Variants in CYP2C8 observed in about 807,000 individuals in gnomAD.
The protein encoded by CYP2C8 is cytochrome P450 family 2 subfamily C member 8.
In CYP2C8, 51 loss-of-function variants were observed where a neutral mutation model predicts 41.3. That is an observed-to-expected ratio of 1.24 (90% confidence interval 0.99 to 1.56). CYP2C8 has a LOEUF of 1.56. CYP2C8 is among the 40% of genes most tolerant of loss of function. The pLI is 0.00. For synonymous variants in CYP2C8, 218 were observed against 205.8 expected (o/e 1.06, Z -0.51); for missense variants, 651 against 579.9 (o/e 1.12, Z -1.26).
chr10:95,067,322 T>A lies in CYP2C8; in HGVS notation c.367A>T (p.Ile123Phe). ...ISSNGKRWKEIRRFSLTTLRN... is the reference protein window; with the variant it reads ...ISSNGKRWKEFRRFSLTTLRN... ...AAGGTTGTGAGGGAGAAACGCCGGA[T>A]CTCCTTCCATCTCTTTCCATTGCTG... Residue 123 changes from isoleucine (I) to phenylalanine (F), a missense_variant, in exon 3 of 9, where the codon ATC (isoleucine) becomes TTC (phenylalanine). Coordinates refer to ENST00000371270, the MANE Select transcript of CYP2C8 (RefSeq NM_000770.3). 1.9e-6 allele frequency: 3 copies of A among 1,613,886 alleles called. No homozygotes were observed. The highest frequency in any genetic ancestry group is 2.5e-6 in the Non-Finnish European group (3 of 1,180,006).
At chr10:95,045,309 A>G (rs1037512072) in intron 6 of CYP2C8, among the ~76,000 whole-genome samples, 3 of 152,132 alleles carry the variant, frequency 2.0e-5, no homozygotes, top group African/African-American at 7.2e-5. Flanking sequence ...AAATAGAAAC[A>G]CCTTTGTAAG....
rs780212136 is a variant in CYP2C8, at chr10:95,067,361, A to AT, written c.332-5dup. The AT allele has an allele frequency of 4.4e-6, 7 of 1,596,736 alleles. No homozygotes were observed. The South Asian group carries it at 5.5e-5, about 13-fold the overall frequency. On this transcript the variant is annotated splice_region_variant and splice_polypyrimidine_tract_variant and intron_variant, in intron 2 of 8. Transcript: ENST00000371270. ...TTTCCATTGCTGGAAATGATTCCTA[A>AT]TAAAAAAAGGGGCAGAAACTGGGAG...
intron 8 of CYP2C8, among the ~76,000 whole-genome samples, chr10:95,038,643 G>A (rs2032933364): frequency 6.6e-6 from 1 of 152,096 alleles, no homozygotes; most frequent in Non-Finnish European, 1.5e-5. Context: ...TGTATCTAGT[G>A]GCAGAGTTCA....
chr10:95,058,285 T>A (rs1378753393), intron 5 of CYP2C8, 50 bp downstream of exon 5: 1 of 1,609,254 alleles, frequency 6.2e-7, no homozygotes, highest in Non-Finnish European at 8.5e-7. Flanking sequence ...ATTCGATGAA[T>A]CACAAAATGG....
At chr10:95,066,137 A>AGTGT (rs1233648601) in intron 3 of CYP2C8, among the ~76,000 whole-genome samples, 1 of 109,472 alleles carries the variant, frequency 9.1e-6, no homozygotes, top group African/African-American at 3.8e-5. Context: ...AGAGAGAGAG[A>AGTGT]GAGAGAGAGA....
rs1429490760 is a variant in CYP2C8 at position 95,037,546 on chromosome 10, T to C, written c.1292-237A>G. 2.0e-5 allele frequency among the ~76,000 whole-genome samples: 3 copies of C among 152,354 alleles called. No homozygotes were observed. The East Asian group carries it at 5.8e-4, about 29-fold the overall frequency. ...CTATCTGTCTAACATCTAATCTCAATAGGCACCCTTCATTCAACAAATATT... is the reference window on the plus strand; with the variant it reads ...CTATCTGTCTAACATCTAATCTCAACAGGCACCCTTCATTCAACAAATATT... On this transcript the variant is annotated intron_variant, in intron 8 of 8. Coordinates refer to ENST00000371270, the MANE Select transcript of CYP2C8 (RefSeq NM_000770.3).
intron 5 of CYP2C8, among the ~76,000 whole-genome samples, chr10:95,053,217 T>C (rs2033245083): frequency 6.6e-6 from 1 of 152,120 alleles, no homozygotes; most frequent in South Asian, 2.1e-4. Flanking sequence ...AACAATGAGA[T>C]ACCATCTCAC....
At chr10:95,060,628 C>A (rs565936355) in intron 4 of CYP2C8, among the ~76,000 whole-genome samples, 15 of 152,212 alleles carry the variant, frequency 9.9e-5, no homozygotes, top group African/African-American at 1.4e-4. Flanking sequence ...AACTGAATAC[C>A]TTTTATTTCT....
chr10:95,058,222 T>A (rs2033348258), intron 5 of CYP2C8, 113 bp downstream of exon 5: 4 of 1,468,188 alleles, frequency 2.7e-6, no homozygotes, highest in East Asian at 2.4e-5. Context: ...TTAAGATGCT[T>A]GTCAAGCATT....
intron 3 of CYP2C8, 111 bp downstream of exon 3, chr10:95,067,097 G>A (rs2033584756): frequency 1.4e-6 from 2 of 1,477,908 alleles, no homozygotes; most frequent in Admixed American, 3.3e-5. Flanking sequence ...CCTGAGGGCT[G>A]ACAACCAGGA....
At chr10:95,061,130 T>C (rs962319004) in intron 4 of CYP2C8, among the ~76,000 whole-genome samples, 9 of 152,232 alleles carry the variant, frequency 5.9e-5, no homozygotes, top group African/African-American at 2.2e-4. Context: ...TGCCAGGCTT[T>C]GTTATCAGGA....
intron 3 of CYP2C8, among the ~76,000 whole-genome samples, chr10:95,065,289 A>G (rs1419678648): frequency 6.6e-6 from 1 of 152,250 alleles, no homozygotes; most frequent in African/African-American, 2.4e-5. Context: ...TTTTTAGAGC[A>G]GAATCATGTC....
chr10:95,053,366 C>T (rs1166510726), intron 5 of CYP2C8, among the ~76,000 whole-genome samples: 1 of 152,064 alleles, frequency 6.6e-6, no homozygotes, highest in Non-Finnish European at 1.5e-5. Context: ...GGCAATTCCT[C>T]AAGAATCTAA....
At chr10:95,041,050 A>G in intron 7 of CYP2C8, 3 of 451,772 alleles carry the variant, frequency 6.6e-6, no homozygotes, top group South Asian at 4.7e-5. Flanking sequence ...GAACAAATCC[A>G]GCTGTTTGTG....
At chr10:95,039,320 G>A (rs763965431) in intron 7 of CYP2C8, 16 of 413,602 alleles carry the variant, frequency 3.9e-5, no homozygotes, top group African/African-American at 1.2e-4. Context: ...CTCATTTGCC[G>A]CTCTATTTCA....
intron 3 of CYP2C8, 113 bp from the exon 4 acceptor site, chr10:95,065,073 C>T (rs2033531622): frequency 1.0e-6 from 1 of 984,514 alleles, no homozygotes; most frequent in Non-Finnish European, 1.3e-6. Flanking sequence ...TTACAAATTC[C>T]CCATGTGTCC....
chr10:95,040,543 C>A (rs1475596949), intron 7 of CYP2C8, among the ~76,000 whole-genome samples: 1 of 152,002 alleles, frequency 6.6e-6, no homozygotes, highest in African/African-American at 2.4e-5. Flanking sequence ...ATACAGAAAC[C>A]ATGTGATAGA....
chr10:95,049,019 G>A (rs2033163677), intron 5 of CYP2C8, among the ~76,000 whole-genome samples: 1 of 152,016 alleles, frequency 6.6e-6, no homozygotes, highest in Non-Finnish European at 1.5e-5. Context: ...ATGACAAGCA[G>A]AGTAAACATA....
chr10:95,042,015 T>A (rs113710405), intron 7 of CYP2C8, among the ~76,000 whole-genome samples: 1 of 152,088 alleles, frequency 6.6e-6, no homozygotes, highest in Non-Finnish European at 1.5e-5. Flanking sequence ...GAAAATTCTT[T>A]TATAAATGAA....
Sources: allele counts gnomAD v4.1 joint callset (sites outside exome capture counted in the v4.1 genomes callset), GRCh38; gene constraint gnomAD v4.1.1; transcripts MANE v1.5; gene names NCBI Gene and HGNC (gene_info 2026-07-23, HGNC 2026-07-21).